Variants in GAB4 observed in about 807,000 individuals in gnomAD.
GAB4 encodes GRB2-associated-binding protein 4.
GAB4 carries 26 observed loss-of-function variants against 51.3 expected under a neutral mutation model. The ratio of observed to expected loss-of-function variants is 0.51; its 90% CI spans 0.37 to 0.70. The LOEUF (loss-of-function observed/expected upper bound fraction) is 0.70. Ranked by LOEUF, GAB4 falls within the 30% of genes least tolerant of loss-of-function variation. The pLI is 0.00. For synonymous variants in GAB4, 329 were observed against 291.2 expected (o/e 1.13, Z -1.32); for missense variants, 759 against 734.6 (o/e 1.03, Z -0.38).
intron 3 of GAB4, among the ~76,000 whole-genome samples, chr22:16,981,842 T>C (rs2060829851): frequency 6.6e-6 from 1 of 152,118 alleles, no homozygotes; most frequent in Admixed American, 6.6e-5. Flanking sequence ...TATAACAATA[T>C]ATTATAAAGA....
chr22:16,977,799 T>C (rs183042189), intron 3 of GAB4, among the ~76,000 whole-genome samples: 1 of 152,108 alleles, frequency 6.6e-6, no homozygotes, highest in Non-Finnish European at 1.5e-5. Context: ...CCTCAGCAAA[T>C]GCAAATGAAG....
At chr22:16,965,442 C>T (rs1445489458) in intron 6 of GAB4, among the ~76,000 whole-genome samples, 174 bp from the exon 7 acceptor site, 6 of 152,146 alleles carry the variant, frequency 3.9e-5, no homozygotes, top group Admixed American at 2.0e-4. Flanking sequence ...TGCTGAAGGG[C>T]CTTAGAGTTC....
chr22:16,977,855 C>T (rs1435265712), intron 3 of GAB4, among the ~76,000 whole-genome samples: 1 of 152,186 alleles, frequency 6.6e-6, no homozygotes, highest in Non-Finnish European at 1.5e-5. Flanking sequence ...CAATCAAATT[C>T]GAACTCAGGA....
At chr22:16,972,292 G>A (rs1416160745) in intron 3 of GAB4, among the ~76,000 whole-genome samples, 1 of 152,208 alleles carries the variant, frequency 6.6e-6, no homozygotes, top group Non-Finnish European at 1.5e-5. Context: ...CCTGGTGGTG[G>A]TCAAGAGTGC....
chr22:16,972,204 G>A (rs1398337797), intron 3 of GAB4, among the ~76,000 whole-genome samples: 2 of 152,230 alleles, frequency 1.3e-5, no homozygotes, highest in Non-Finnish European at 2.9e-5. Context: ...CACAGCAGTG[G>A]AGGAGGTGTC....
rs1170871195 is a variant in GAB4 at position 16,969,940 on chromosome 22, C to T, written c.937+3G>A. 5.6e-6 allele frequency: 9 copies of T among 1,613,988 alleles called. No homozygotes were observed. In the African/African-American group the frequency reaches 1.1e-4, roughly 19 times the overall value. The stretch of plus-strand genomic sequence containing the variant: ...CTTCTGGGTGCCTTGAAGGGGTACA[C>T]ACCCTCATTATCCGCCTCAGAGCCT... On this transcript the variant is annotated splice_donor_region_variant and intron_variant, in intron 4 of 9. Transcript: ENST00000400588.
At chr22:16,970,232 G>A in intron 3 of GAB4, 39 bp from the exon 4 acceptor site, 1 of 1,611,250 alleles carries the variant, frequency 6.2e-7, no homozygotes, top group Non-Finnish European at 8.5e-7. Context: ...GGGGTGAGAG[G>A]AGGCCAGGAC....
chr22:16,970,762 T>G (rs1336723566), intron 3 of GAB4, among the ~76,000 whole-genome samples: 6 of 152,204 alleles, frequency 3.9e-5, no homozygotes, highest in African/African-American at 1.4e-4. Context: ...TAAAGAACTA[T>G]TCAGACATAA....
rs201592274 is a variant in GAB4, at chr22:16,977,348, CA to C, written c.687-7156del. ...GAAGATTTACCAAGCAAATGGAAAG[CA>C]AAAAAAAAAAAAGCAGGGGTTGCAA... On this transcript the variant is annotated intron_variant, in intron 3 of 9. Coordinates refer to ENST00000400588, the MANE Select transcript of GAB4 (RefSeq NM_001037814.1). Among the ~76,000 whole-genome samples the C allele has an allele frequency of 9.7e-3, 1,083 of 112,082 alleles. 18 individuals carry two copies. Among genetic ancestry groups the C allele is most frequent in the Admixed American group, 0.055 (633 of 11,542 alleles). The allele number at this position is 112,082 out of a possible 152,430, so 73.5% of individuals were successfully genotyped here.
At chr22:16,964,889 CAT>C (rs753465857) in intron 7 of GAB4, 27 bp from the exon 8 acceptor site, 1 of 1,575,458 alleles carries the variant, frequency 6.3e-7, no homozygotes, top group Non-Finnish European at 8.7e-7. Flanking sequence ...GCAAGGAGTA[CAT>C]CCTGGGTGGG....
rs368414228 is a variant in GAB4 at position 16,966,318 on chromosome 22, C to T, written c.1070G>A (p.Gly357Asp). ...VGLSDSIASE[G>D]SCVPMNPGSP... ...GCCTGGGTTCATGGGCACACAGCTG[C>T]CCTCAGAAGCAATGCTGTCTGACAG... The change falls in exon 6 of 10, where the codon GGC (glycine) becomes GAC (aspartate). Residue 357 changes from glycine to aspartate, a missense_variant. Gly to Asp is a moderately conservative substitution (Grantham distance 94, BLOSUM62 -1). Coordinates refer to ENST00000400588, the MANE Select transcript of GAB4 (RefSeq NM_001037814.1). 15 of 1,613,556 alleles carry T rather than the reference C, an allele frequency of 9.3e-6. No homozygotes were observed. The highest frequency in any genetic ancestry group is 2.2e-5 in the South Asian group (2 of 91,082).
intron 2 of GAB4, among the ~76,000 whole-genome samples, chr22:16,991,538 A>C (rs1403338491): frequency 6.6e-6 from 1 of 152,178 alleles, no homozygotes; most frequent in African/African-American, 2.4e-5. Context: ...AACCCCAAAC[A>C]AACCCACCAA....
At position 16,962,002 on chromosome 22, in the gene GAB4, A is replaced by T. The variant is rs2060634565; in HGVS notation, c.*731T>A. ...CCCCCAAGGGGCATCAGCAAAGAGCAGCAGAGCCAGCCTGCAGCTCCGGAT... is the reference window on the plus strand; with the variant it reads ...CCCCCAAGGGGCATCAGCAAAGAGCTGCAGAGCCAGCCTGCAGCTCCGGAT... On this transcript the variant is annotated 3_prime_UTR_variant, in exon 10 of 10. Coordinates refer to ENST00000400588, the MANE Select transcript of GAB4 (RefSeq NM_001037814.1). The T allele has an allele frequency of 6.6e-6, 1 of 152,344 alleles. No homozygotes were observed. The highest frequency in any genetic ancestry group is 2.4e-5 in the African/African-American group (1 of 41,454). 9.4% of individuals were successfully genotyped at this position (152,344 alleles called of 1,614,324 possible). A position where few individuals can be genotyped will look rare whatever the true frequency, so the allele number is the denominator to read the frequency against.
chr22:16,967,550 G>A (rs1204904667), intron 5 of GAB4: 1 of 152,410 alleles, frequency 6.6e-6, no homozygotes, highest in Non-Finnish European at 1.5e-5. Context: ...CAATGGCTGT[G>A]ATTAGCAGAC....
At chr22:16,986,544 G>C (rs2060869441) in intron 3 of GAB4, among the ~76,000 whole-genome samples, 1 of 152,238 alleles carries the variant, frequency 6.6e-6, no homozygotes, top group African/African-American at 2.4e-5. Context: ...AGATAAGGAA[G>C]TTGAAGGTCA....
In GAB4 at chr22:16,992,075, G is replaced by A; in HGVS notation, c.276C>T (p.Arg92=). Residue 92 remains arginine (R), a synonymous_variant, in exon 2 of 10, where the codon CGC becomes CGT. Coordinates refer to ENST00000400588, the MANE Select transcript of GAB4 (RefSeq NM_001037814.1). ...GCTCACAGAGGTTCAGGTTGATGGT[G>A]CGCAGGGGCTTCTTGGAGCCATCAT... ...YKNDGSKKPL[R]TINLNLCEQL... The A allele has an allele frequency of 1.2e-6, 2 of 1,614,172 alleles. No individual in the cohort carries two copies. The highest frequency in any genetic ancestry group is 1.7e-6 in the Non-Finnish European group (2 of 1,180,008).
At chr22:16,995,806 T>C (rs112448820) in intron 1 of GAB4, among the ~76,000 whole-genome samples, 4,179 of 152,044 alleles carry the variant, frequency 0.027, 83 homozygotes, top group Non-Finnish European at 0.045. Flanking sequence ...CATCCAAAGA[T>C]CACCAACATC....
At chr22:16,999,986 T>A (rs1018957297) in intron 1 of GAB4, among the ~76,000 whole-genome samples, 5 of 152,238 alleles carry the variant, frequency 3.3e-5, no homozygotes, top group Non-Finnish European at 5.9e-5. Flanking sequence ...ACTAGTTTGA[T>A]TGCACTGTGG....
chr22:16,963,783 G>A lies in GAB4; in HGVS notation c.1523C>T (p.Ala508Val). ...GATGTTACCAGTGCTCCTCGGCGGGGCTGAACTGCTGGTGCCACCGGAAAC... is the reference window on the plus strand; with the variant it reads ...GATGTTACCAGTGCTCCTCGGCGGGACTGAACTGCTGGTGCCACCGGAAAC... The part of the protein sequence containing the change: ...FPVSGGTSSS[A>V]PPRSTGNIHY... The change falls in exon 9 of 10, where the codon GCC (alanine) becomes GTC (valine). Residue 508 changes from alanine (A) to valine (V), a missense_variant. Physicochemically the swap from Ala to Val is moderately conservative, Grantham distance 64. Coordinates refer to ENST00000400588, the MANE Select transcript of GAB4 (RefSeq NM_001037814.1). The A allele has an allele frequency of 2.5e-6, 4 of 1,613,912 alleles. No individual in the cohort carries two copies. The highest frequency in any genetic ancestry group is 2.5e-6 in the Non-Finnish European group (3 of 1,179,962).
Sources: gnomAD v4.1 joint callset for allele counts (sites outside exome capture counted in the v4.1 genomes callset) on GRCh38, gnomAD v4.1.1 for gene constraint, MANE v1.5 for transcripts, NCBI Gene and HGNC (gene_info 2026-07-23, HGNC 2026-07-21) for gene names.